HYCC2: variants seen among roughly 807,000 people sequenced by gnomAD.
HYCC2 encodes hyccin 2.
chr2:201,034,228 G>C, the HYCC2 span, among the ~76,000 whole-genome samples: 1 of 152,084 alleles, frequency 6.6e-6, no homozygotes. Flanking sequence ...TACTTTAAAA[G>C]ACAATATGAA....
the HYCC2 span, among the ~76,000 whole-genome samples, chr2:201,036,800 A>G: frequency 6.6e-6 from 1 of 152,156 alleles, no homozygotes; most frequent in African/African-American, 2.4e-5. Context: ...TACTGAATGG[A>G]CAAAAACTGG....
chr2:201,002,251 C>G, the HYCC2 span, among the ~76,000 whole-genome samples: 1 of 124,452 alleles, frequency 8.0e-6, no homozygotes, highest in Non-Finnish European at 1.7e-5. Context: ...CTGGGCAATA[C>G]AGTGAAACAA....
the HYCC2 span, among the ~76,000 whole-genome samples, chr2:201,067,936 C>T: frequency 6.6e-6 from 1 of 152,196 alleles, no homozygotes; most frequent in African/African-American, 2.4e-5. Context: ...CAAACCAAAA[C>T]ATTCAGCACA....
the HYCC2 span, chr2:201,052,027 G>A: frequency 2.0e-5 from 3 of 152,242 alleles, no homozygotes; most frequent in African/African-American, 7.2e-5. Context: ...GCCCGATGTG[G>A]TGGCTCATGC....
At chr2:200,978,917 A>G in the HYCC2 span, 1 of 152,198 alleles carries the variant, frequency 6.6e-6, no homozygotes, top group Non-Finnish European at 1.5e-5. Flanking sequence ...AAATCATGCT[A>G]GATTTAGATG....
the HYCC2 span, among the ~76,000 whole-genome samples, chr2:201,032,086 G>A: frequency 0.022 from 3,354 of 151,996 alleles, 62 homozygotes; most frequent in Middle Eastern, 0.037. Context: ...TCAGCCTCCC[G>A]AGTATCTGGG....
chr2:200,991,384 A>G, the HYCC2 span, among the ~76,000 whole-genome samples: 3 of 152,146 alleles, frequency 2.0e-5, no homozygotes, highest in East Asian at 5.8e-4. Flanking sequence ...CCTGGCTAAT[A>G]CAGTGAAACC....
the HYCC2 span, among the ~76,000 whole-genome samples, chr2:201,039,410 T>G: frequency 2.0e-5 from 3 of 152,274 alleles, no homozygotes; most frequent in African/African-American, 4.8e-5. Flanking sequence ...ACTTTATAAT[T>G]TTACTTGGAA....
At chr2:200,976,769 C>G in the HYCC2 span, 1 of 152,130 alleles carries the variant, frequency 6.6e-6, no homozygotes, top group Non-Finnish European at 1.5e-5. Context: ...AAGCTTCACA[C>G]TATAGAACCT....
chr2:200,979,370 T>C, the HYCC2 span: 1 of 152,512 alleles, frequency 6.6e-6, no homozygotes, highest in Non-Finnish European at 1.5e-5. Flanking sequence ...ATGTTGTAGA[T>C]ACTAGTTCAG....
At chr2:201,029,256 G>A in the HYCC2 span, among the ~76,000 whole-genome samples, 1 of 152,170 alleles carries the variant, frequency 6.6e-6, no homozygotes, top group Non-Finnish European at 1.5e-5. Flanking sequence ...ACCACAGTGA[G>A]ATAACATCTT....
At chr2:201,055,565 A>G in the HYCC2 span, among the ~76,000 whole-genome samples, 2 of 151,972 alleles carry the variant, frequency 1.3e-5, no homozygotes, top group Admixed American at 1.3e-4. Context: ...AGGCCATGGT[A>G]GTGAGCACCT....
chr2:201,036,141 A>G, the HYCC2 span, among the ~76,000 whole-genome samples: 1 of 152,230 alleles, frequency 6.6e-6, no homozygotes, highest in Non-Finnish European at 1.5e-5. Context: ...TAGAAAATCT[A>G]GAAGAAATGG....
chr2:201,064,416 A>G, the HYCC2 span, among the ~76,000 whole-genome samples: 1 of 152,064 alleles, frequency 6.6e-6, no homozygotes, highest in Non-Finnish European at 1.5e-5. Flanking sequence ...GTCTACTCTG[A>G]AGCCATCTTG....
the HYCC2 span, among the ~76,000 whole-genome samples, chr2:201,041,235 A>G: frequency 6.6e-6 from 1 of 152,196 alleles, no homozygotes; most frequent in Non-Finnish European, 1.5e-5. Flanking sequence ...TGGGTGTGTG[A>G]CCTATACAAG....
the HYCC2 span, among the ~76,000 whole-genome samples, chr2:201,019,457 G>A: frequency 4.6e-5 from 7 of 152,120 alleles, no homozygotes; most frequent in Admixed American, 2.0e-4. Flanking sequence ...AAGTAAGACC[G>A]TTAAAAACTC....
the HYCC2 span, among the ~76,000 whole-genome samples, chr2:201,059,212 T>C: frequency 1.3e-5 from 2 of 152,180 alleles, no homozygotes; most frequent in African/African-American, 4.8e-5. Flanking sequence ...GCCTCCTAAA[T>C]TGTGTAAGCC....
At chr2:201,022,096 G>A in the HYCC2 span, 1 of 1,289,554 alleles carries the variant, frequency 7.8e-7, no homozygotes, top group Non-Finnish European at 1.0e-6. Flanking sequence ...CACAGCAGAG[G>A]CACTCTTGGA....
chr2:201,017,190 C>T, the HYCC2 span: 27 of 1,590,198 alleles, frequency 1.7e-5, no homozygotes, highest in Middle Eastern at 5.0e-4. Flanking sequence ...AAATAAAGTG[C>T]ACTGGTCATT....
Sources: allele counts gnomAD v4.1 joint callset (sites outside exome capture counted in the v4.1 genomes callset), GRCh38; gene constraint gnomAD v4.1.1; transcripts MANE v1.5; gene names NCBI Gene and HGNC (gene_info 2026-07-23, HGNC 2026-07-21).